The following PPM1L variants were observed in gnomAD, a reference collection of about 807,000 sequenced individuals.
PPM1L encodes the protein protein phosphatase, Mg2+/Mn2+ dependent 1L.
In PPM1L, 13 loss-of-function variants were observed where a neutral mutation model predicts 31.4. The ratio of observed to expected loss-of-function variants is 0.41; its 90% CI spans 0.27 to 0.66. PPM1L has a LOEUF of 0.66. Ranked by LOEUF, PPM1L falls within the 30% of genes least tolerant of loss-of-function variation. The pLI, the probability that PPM1L is intolerant of heterozygous loss-of-function variation, is 0.29. For missense variants in PPM1L, 326 were observed against 453.7 expected (o/e 0.72, Z 2.56); for synonymous variants, 184 against 175.4 (o/e 1.05, Z -0.39).
At chr3:161,053,734 CCT>C (rs1007577517) in intron 2 of PPM1L, among the ~76,000 whole-genome samples, 44 of 152,122 alleles carry the variant, frequency 2.9e-4, no homozygotes, top group Admixed American at 1.6e-3. Flanking sequence ...GCACTCATCC[CCT>C]GTTTCTCAAT....
rs1720124558 is a variant in PPM1L at position 161,077,021 on chromosome 3, G to A, written c.*7864G>A. On this transcript the variant is annotated 3_prime_UTR_variant, in exon 4 of 4. Transcript: ENST00000498165. The stretch of plus-strand genomic sequence containing the variant: ...TGTGCCAGGCAGTGACTGTGTCTGA[G>A]TGAATGTATCCATGGTGAGCACTCA... 1 of 152,152 alleles carries A rather than the reference G, an allele frequency of 6.6e-6. No individual in the cohort carries two copies. The highest frequency in any genetic ancestry group is 1.5e-5 in the Non-Finnish European group (1 of 68,024). The allele number at this position is 152,152 out of a possible 1,614,324, so 9.4% of individuals were successfully genotyped here.
chr3:160,763,127 T>C (rs1438855324), intron 1 of PPM1L, among the ~76,000 whole-genome samples: 1 of 152,204 alleles, frequency 6.6e-6, no homozygotes, highest in Non-Finnish European at 1.5e-5. Context: ...CTCCCCTTGC[T>C]TTTTTATGAG....
chr3:160,774,464 A>G (rs780152110), intron 1 of PPM1L, among the ~76,000 whole-genome samples: 6 of 152,162 alleles, frequency 3.9e-5, no homozygotes, highest in Non-Finnish European at 7.4e-5. Flanking sequence ...TCTTCTATTA[A>G]TAAACCAACT....
At chr3:160,848,961 A>T (rs115287751) in intron 1 of PPM1L, among the ~76,000 whole-genome samples, 1,950 of 152,210 alleles carry the variant, frequency 0.013, 43 homozygotes, top group African/African-American at 0.045. Context: ...TATTTCACAA[A>T]TTAATTTTAT....
At chr3:161,044,824 G>A (rs896684897) in intron 2 of PPM1L, among the ~76,000 whole-genome samples, 3 of 152,156 alleles carry the variant, frequency 2.0e-5, no homozygotes, top group African/African-American at 7.2e-5. Context: ...GACACAGACT[G>A]CCAAATTGGA....
chr3:161,039,739 A>G (rs1388764004), intron 2 of PPM1L, among the ~76,000 whole-genome samples: 1 of 152,102 alleles, frequency 6.6e-6, no homozygotes, highest in East Asian at 1.9e-4. Flanking sequence ...GATGGTCTCC[A>G]TCTCCTGACC....
At chr3:161,006,952 G>T (rs1013741589) in intron 2 of PPM1L, among the ~76,000 whole-genome samples, 1 of 152,170 alleles carries the variant, frequency 6.6e-6, no homozygotes, top group African/African-American at 2.4e-5. Flanking sequence ...AAAGTGCTGG[G>T]ATTATAGGCG....
chr3:160,766,555 A>G (rs1715105947), intron 1 of PPM1L, among the ~76,000 whole-genome samples: 1 of 152,010 alleles, frequency 6.6e-6, no homozygotes, highest in South Asian at 2.1e-4. Context: ...GATTTCCACT[A>G]TGATTGTAAG....
intron 1 of PPM1L, among the ~76,000 whole-genome samples, chr3:160,848,813 A>G (rs1257284133): frequency 2.0e-5 from 3 of 152,202 alleles, no homozygotes; most frequent in African/African-American, 7.2e-5. Flanking sequence ...TTCTATTAAC[A>G]TATTCTTTCT....
Position 161,069,009 on chromosome 3 carries a change from A to C in PPM1L, c.935A>C (p.Glu312Ala), listed in dbSNP as rs762412946. The stretch of plus-strand genomic sequence containing the variant: ...CTCTGGGATGCTTTCAGCAATGAAG[A>C]AGCAGTTCGATTCATCAAGGAGCGC... ...DGLWDAFSNE[E>A]AVRFIKERLD... Residue 312 changes from glutamate to alanine, a missense_variant, in exon 4 of 4, where the codon GAA becomes GCA. Physicochemically the swap from Glu to Ala is moderately radical, Grantham distance 107 (BLOSUM62 -1). Transcript: ENST00000498165. 5.0e-6 allele frequency: 8 copies of C among 1,614,180 alleles called. No individual in the cohort carries two copies. The South Asian group carries it at 6.6e-5, about 13-fold the overall frequency.
chr3:160,868,290 G>A (rs1423470779), intron 1 of PPM1L, among the ~76,000 whole-genome samples: 1 of 152,170 alleles, frequency 6.6e-6, no homozygotes, highest in Non-Finnish European at 1.5e-5. Context: ...GGGGGTCCAG[G>A]CATTTTCCAC....
intron 1 of PPM1L, among the ~76,000 whole-genome samples, chr3:160,846,253 G>C (rs550032647): frequency 1.3e-5 from 2 of 152,000 alleles, no homozygotes; most frequent in South Asian, 4.2e-4. Context: ...GCTTTTATTA[G>C]GTTTGCAAAC....
At chr3:161,021,610 G>A (rs536413817) in intron 2 of PPM1L, among the ~76,000 whole-genome samples, 167 of 151,996 alleles carry the variant, frequency 1.1e-3, no homozygotes, top group African/African-American at 3.8e-3. Context: ...ATCTATTAGT[G>A]GAAGTGAGAT....
At chr3:160,915,252 T>A (rs1262448329) in intron 1 of PPM1L, among the ~76,000 whole-genome samples, 1 of 152,162 alleles carries the variant, frequency 6.6e-6, no homozygotes, top group Non-Finnish European at 1.5e-5. Flanking sequence ...CGAGCATTCT[T>A]ATACTCCAAT....
intron 1 of PPM1L, among the ~76,000 whole-genome samples, chr3:160,850,585 C>G (rs1180405381): frequency 6.6e-6 from 1 of 152,146 alleles, no homozygotes; most frequent in Non-Finnish European, 1.5e-5. Flanking sequence ...AACCAGCCCC[C>G]ATCCTGAGGC....
chr3:160,818,737 T>C (rs2108089526), intron 1 of PPM1L, among the ~76,000 whole-genome samples: 1 of 152,134 alleles, frequency 6.6e-6, no homozygotes, highest in East Asian at 1.9e-4. Context: ...ATAATTATAC[T>C]TATGTATGGG....
At chr3:160,877,851 G>A (rs1216691396) in intron 1 of PPM1L, among the ~76,000 whole-genome samples, 1 of 152,126 alleles carries the variant, frequency 6.6e-6, no homozygotes, top group Non-Finnish European at 1.5e-5. Flanking sequence ...GTGCTCTGTT[G>A]TCTGCTCCTT....
At chr3:160,930,367 A>G (rs1458183882) in intron 1 of PPM1L, among the ~76,000 whole-genome samples, 2 of 152,346 alleles carry the variant, frequency 1.3e-5, no homozygotes, top group African/African-American at 4.8e-5. Flanking sequence ...CAAAAGAGAG[A>G]ATAAAATGTG....
intron 1 of PPM1L, among the ~76,000 whole-genome samples, chr3:160,809,554 C>G (rs1196826622): frequency 6.6e-6 from 1 of 152,148 alleles, no homozygotes; most frequent in African/African-American, 2.4e-5. Flanking sequence ...CTCAGCTCTC[C>G]CCACTCTCTA....
Sources: allele counts gnomAD v4.1 joint callset (sites outside exome capture counted in the v4.1 genomes callset), GRCh38; gene constraint gnomAD v4.1.1; transcripts MANE v1.5; gene names NCBI Gene and HGNC (gene_info 2026-07-23, HGNC 2026-07-21).